The following SEC16B variants were observed in gnomAD, a reference collection of about 807,000 sequenced individuals.
The protein encoded by SEC16B is protein transport protein Sec16B.
Under a neutral mutation model 141.8 loss-of-function variants are expected in SEC16B, and 115 were observed. That is an observed-to-expected ratio of 0.81 (90% confidence interval 0.70 to 0.95). SEC16B has a LOEUF of 0.95. Among genes scored for constraint, SEC16B ranks in the 40% least tolerant of loss-of-function variants. The pLI is 0.00. For synonymous variants in SEC16B, 493 were observed against 492.5 expected (o/e 1.00, Z -0.01); for missense variants, 1,291 against 1,312.3 (o/e 0.98, Z 0.25).
rs746681285 is a variant in SEC16B at position 177,965,126 on chromosome 1, G to A, written c.454C>T (p.Arg152Ter). 23 of 1,613,326 alleles carry A rather than the reference G, an allele frequency of 1.4e-5. No individual in the cohort carries two copies. The highest frequency in any genetic ancestry group is 4.5e-5 in the East Asian group (2 of 44,884). Residue 152 changes from arginine to a stop codon, truncating the protein, a stop_gained, in exon 4 of 26, where the codon CGA becomes TGA. Transcript: ENST00000308284. LOFTEE classifies it high-confidence loss of function. ...RSPYIWHEDY[R>*]EQKYLDEHHY... Reference sequence around the variant, plus strand: ...TGTTCATCAAGGTACTTTTGCTCTCGGTAATCTTCGTGCCAGATATAAGGA... The same window carrying A: ...TGTTCATCAAGGTACTTTTGCTCTCAGTAATCTTCGTGCCAGATATAAGGA...
chr1:177,946,538 G>A lies in SEC16B; in HGVS notation c.1664-7C>T, dbSNP rs1651726728. 1 of 1,562,914 alleles carries A rather than the reference G, an allele frequency of 6.4e-7. No homozygotes were observed. The highest frequency in any genetic ancestry group is 1.2e-5 in the South Asian group (1 of 84,684). On this transcript the variant is annotated splice_polypyrimidine_tract_variant and splice_region_variant and intron_variant, in intron 13 of 25. Coordinates refer to ENST00000308284, the MANE Select transcript of SEC16B (RefSeq NM_033127.4). ...TCCACAAGCCCCTTCCCAGCTGCGG[G>A]AGGAAGAGAACAAGACCCAATCACG...
At chr1:177,931,396 A>G (rs116835572) in intron 24 of SEC16B, among the ~76,000 whole-genome samples, 2,507 of 152,252 alleles carry the variant, frequency 0.016, 75 homozygotes, top group African/African-American at 0.057. Flanking sequence ...AGAGTGACAT[A>G]ATGGACTTTA....
At chr1:177,979,881 A>C (rs1654334253) in intron 1 of SEC16B, among the ~76,000 whole-genome samples, 1 of 152,190 alleles carries the variant, frequency 6.6e-6, no homozygotes, top group Admixed American at 6.5e-5. Flanking sequence ...TCATGAGAAG[A>C]GCATGGGAAA....
upstream of SEC16B, among the ~76,000 whole-genome samples, chr1:177,970,375 A>G (rs1557994698): frequency 6.6e-6 from 1 of 152,216 alleles, no homozygotes; most frequent in East Asian, 1.9e-4. Flanking sequence ...TTTCTTTAAA[A>G]TGGGAATGGC....
At chr1:177,946,617 G>A (rs1276679941) in intron 13 of SEC16B, 86 bp from the exon 14 acceptor site, 16 of 1,020,286 alleles carry the variant, frequency 1.6e-5, no homozygotes, top group East Asian at 2.6e-5. Context: ...ACAGATGGAA[G>A]AGTGGCCTCG....
intron 7 of SEC16B, 47 bp from the exon 8 acceptor site, chr1:177,960,450 A>C: frequency 7.5e-7 from 1 of 1,334,168 alleles, no homozygotes; most frequent in South Asian, 1.3e-5. Context: ...TGGCCACCCT[A>C]GGCCCCTTTC....
Position 177,967,754 on chromosome 1 carries a change from T to C in SEC16B, c.228A>G (p.Pro76=). The change falls in exon 2 of 26, where the codon CCA becomes CCG. Residue 76 remains proline, a synonymous_variant. Coordinates refer to ENST00000308284, the MANE Select transcript of SEC16B (RefSeq NM_033127.4). ...CAGACACAGGCTGATGCCAGTCCCC[T>C]GGCCTGGATGCATAATGGGGCTGCT... is the stretch of plus-strand genomic sequence containing the variant. ...HQQQPHYASR[P]GDWHQPVSGV... is the part of the protein sequence containing the mutation. 2 of 1,613,952 alleles carry C rather than the reference T, an allele frequency of 1.2e-6. No individual in the cohort carries two copies. The highest frequency in any genetic ancestry group is 4.5e-5 in the East Asian group (2 of 44,880).
chr1:177,967,219 G>A (rs914915589), intron 2 of SEC16B, among the ~76,000 whole-genome samples: 2 of 152,108 alleles, frequency 1.3e-5, no homozygotes, highest in South Asian at 2.1e-4. Flanking sequence ...GGGTACTGTC[G>A]TAGGCACTAG....
Position 177,975,806 on chromosome 1 carries a change from C to A in SEC16B, c.-58-7767G>T, listed in dbSNP as rs1415087. ...CCTCTTGACTCCAACTAAGCTACCCCCTGGAAACAGTCCTGGGATATGGAA... is the reference window on the plus strand; with the variant it reads ...CCTCTTGACTCCAACTAAGCTACCCACTGGAAACAGTCCTGGGATATGGAA... On this transcript the variant is annotated intron_variant and NMD_transcript_variant, in intron 1 of 24. Coordinates refer to the SEC16B transcript ENST00000528461. Among the ~76,000 whole-genome samples, 4 of 152,268 alleles carry A rather than the reference C, an allele frequency of 2.6e-5. No homozygotes were observed. In the South Asian group the frequency reaches 6.2e-4, roughly 24 times the overall value.
intron 6 of SEC16B, chr1:177,961,358 A>G: frequency 1.9e-6 from 1 of 523,046 alleles, no homozygotes; most frequent in South Asian, 3.0e-5. Context: ...CTCCTTTCCC[A>G]ACTTGATAAT....
At chr1:177,973,642 T>C (rs1226836023), upstream of SEC16B, among the ~76,000 whole-genome samples, 3 of 152,106 alleles carry the variant, frequency 2.0e-5, no homozygotes, top group East Asian at 1.9e-4. Flanking sequence ...GTTGAGTCGT[T>C]TGTACACTGA....
chr1:177,964,987 G>C, intron 4 of SEC16B, 60 bp downstream of exon 4: 2 of 1,588,774 alleles, frequency 1.3e-6, no homozygotes, highest in Non-Finnish European at 1.7e-6. Context: ...CAGAAGATTT[G>C]CCCGACATAG....
intron 6 of SEC16B, 22 bp downstream of exon 6, chr1:177,961,568 T>C (rs375701165): frequency 3.1e-6 from 5 of 1,593,558 alleles, no homozygotes; most frequent in Non-Finnish European, 4.3e-6. Context: ...CAATCAACTC[T>C]TCTGATCATT....
chr1:177,944,895 T>C (rs1651565293), intron 14 of SEC16B, among the ~76,000 whole-genome samples: 1 of 152,132 alleles, frequency 6.6e-6, no homozygotes, highest in Non-Finnish European at 1.5e-5. Context: ...AACAGAACTC[T>C]GCACCAGAGG....
chr1:177,932,424 A>C, intron 24 of SEC16B, 66 bp downstream of exon 24: 2 of 1,238,204 alleles, frequency 1.6e-6, no homozygotes, highest in Non-Finnish European at 2.2e-6. Context: ...GCCCACACTG[A>C]AGGTTCAGTC....
At chr1:177,981,973 C>T (rs1172521389) in intron 1 of SEC16B, among the ~76,000 whole-genome samples, 1 of 152,090 alleles carries the variant, frequency 6.6e-6, no homozygotes, top group African/African-American at 2.4e-5. Context: ...CAAAGAAGAG[C>T]ACAGACTTCA....
intron 4 of SEC16B, among the ~76,000 whole-genome samples, chr1:177,964,740 A>C (rs1653374080): frequency 6.6e-6 from 1 of 152,238 alleles, no homozygotes; most frequent in African/African-American, 2.4e-5. Context: ...AACTTTTGCT[A>C]GGCCATATCT....
At position 177,936,292 on chromosome 1, in the gene SEC16B, T is replaced by C. The variant is rs914456846; in HGVS notation, c.2571+6A>G. Reference sequence around the variant, plus strand: ...CAGTGGCATCTTTTATGCTGTGCGCTCTCACCTGTGGTTTGGAAATGACCT... The same window carrying C: ...CAGTGGCATCTTTTATGCTGTGCGCCCTCACCTGTGGTTTGGAAATGACCT... On this transcript the variant is annotated splice_donor_region_variant and intron_variant, in intron 20 of 25. Coordinates refer to ENST00000308284, the MANE Select transcript of SEC16B (RefSeq NM_033127.4). 30 of 1,607,420 alleles carry C rather than the reference T, an allele frequency of 1.9e-5. No individual in the cohort carries two copies. The highest frequency in any genetic ancestry group is 2.5e-5 in the Non-Finnish European group (30 of 1,176,856).
At chr1:177,932,354 C>T in intron 24 of SEC16B, 136 bp downstream of exon 24, 1 of 609,026 alleles carries the variant, frequency 1.6e-6, no homozygotes, top group Non-Finnish European at 2.7e-6. Context: ...TTTGTTATGA[C>T]AGCCTGAGCA....
Sources: gnomAD v4.1 joint callset for allele counts (sites outside exome capture counted in the v4.1 genomes callset) on GRCh38, gnomAD v4.1.1 for gene constraint, MANE v1.5 for transcripts, NCBI Gene and HGNC (gene_info 2026-07-23, HGNC 2026-07-21) for gene names.